Variants in TINAG observed in about 807,000 individuals in gnomAD.
The protein encoded by TINAG is tubulointerstitial nephritis antigen.
TINAG carries 83 observed loss-of-function variants against 72.7 expected under a neutral mutation model. The ratio of observed to expected loss-of-function variants is 1.14; its 90% confidence interval spans 0.96 to 1.37. The LOEUF (loss-of-function observed/expected upper bound fraction) is 1.37, where lower values mean the gene tolerates loss of function less well. Ranked by LOEUF, TINAG falls within the 40% of genes most tolerant of loss-of-function variation. The pLI is 0.00. For missense variants in TINAG, 685 were observed against 576.6 expected (o/e 1.19, Z -1.93); for synonymous variants, 234 against 189.9 (o/e 1.23, Z -1.91).
chr6:54,344,437 G>A (rs1432304431), intron 5 of TINAG, among the ~76,000 whole-genome samples: 1 of 152,082 alleles, frequency 6.6e-6, no homozygotes, highest in Non-Finnish European at 1.5e-5. Context: ...AGACCTTTCT[G>A]AGCTAAAATT....
At position 54,317,436 on chromosome 6, in the gene TINAG, TC is replaced by T. The variant is rs529382935; in HGVS notation, c.356-3142del. ...TGCTGTTCTTGTAGTAGTGAATGAG[TC>T]TCATAAGATCTGATGGTTTTATAAA... On this transcript the variant is annotated intron_variant, in intron 1 of 10. Coordinates refer to ENST00000259782, the MANE Select transcript of TINAG (RefSeq NM_014464.4). 3.9e-3 allele frequency among the ~76,000 whole-genome samples: 587 copies of T among 152,192 alleles called. 5 individuals are homozygous for T. Among genetic ancestry groups the T allele is most frequent in the Non-Finnish European group, 5.5e-3 (372 of 68,006 alleles).
chr6:54,326,809 G>A lies in TINAG; in HGVS notation c.517G>A (p.Ala173Thr), dbSNP rs538762426. 3.1e-6 allele frequency: 5 copies of A among 1,608,508 alleles called. No homozygotes were observed. The highest frequency in any genetic ancestry group is 2.2e-5 in the East Asian group (1 of 44,734). Residue 173 changes from alanine to threonine, a missense_variant, in exon 4 of 11, where the codon GCA becomes ACA. By Grantham distance (58) the Ala-to-Thr change is moderately conservative. Coordinates refer to ENST00000259782, the MANE Select transcript of TINAG (RefSeq NM_014464.4). ...CTCTCATTTGTAAGGCAGATGGACA[G>A]CACAGAATTACAGCCAATTTTGGGG... is the stretch of plus-strand genomic sequence containing the variant. ...QVNKGDYGWT[A>T]QNYSQFWGMT...
intron 4 of TINAG, among the ~76,000 whole-genome samples, chr6:54,329,058 T>A (rs1189152903): frequency 6.6e-6 from 1 of 151,952 alleles, no homozygotes; most frequent in East Asian, 1.9e-4. Context: ...CTTCAGGATA[T>A]TATCCAGGAA....
intron 1 of TINAG, 79 bp from the exon 2 acceptor site, chr6:54,320,500 G>T: frequency 8.4e-7 from 1 of 1,194,150 alleles, no homozygotes; most frequent in Non-Finnish European, 1.2e-6. Context: ...AGCTAACTAT[G>T]ATTTTTGATT....
intron 9 of TINAG, among the ~76,000 whole-genome samples, chr6:54,358,851 GT>G (rs1262014968): frequency 1.9e-4 from 29 of 151,832 alleles, no homozygotes; most frequent in African/African-American, 7.0e-4. Flanking sequence ...CCTCCAGTGG[GT>G]AGTACGGGAA....
chr6:54,320,728 T>C (rs1784472068), intron 2 of TINAG, 86 bp downstream of exon 2: 7 of 985,988 alleles, frequency 7.1e-6, no homozygotes, highest in Non-Finnish European at 1.1e-5. Flanking sequence ...AACCAAAGTA[T>C]ACATTTATGT....
intron 4 of TINAG, among the ~76,000 whole-genome samples, chr6:54,341,420 A>G (rs1285180838): frequency 6.6e-6 from 1 of 152,090 alleles, no homozygotes; most frequent in Non-Finnish European, 1.5e-5. Context: ...ACCATCCTTG[A>G]AGTTATCATG....
intron 5 of TINAG, among the ~76,000 whole-genome samples, chr6:54,347,059 G>A (rs557767523): frequency 6.6e-6 from 1 of 152,008 alleles, no homozygotes; most frequent in African/African-American, 2.4e-5. Context: ...CCCTCCAAGA[G>A]TTTCACCTGA....
intron 4 of TINAG, among the ~76,000 whole-genome samples, chr6:54,333,050 G>A (rs1398625019): frequency 6.6e-6 from 1 of 152,126 alleles, no homozygotes; most frequent in Non-Finnish European, 1.5e-5. Flanking sequence ...CATTGTGGGA[G>A]GCAGTGGGGC....
intron 10 of TINAG, among the ~76,000 whole-genome samples, chr6:54,383,848 A>C (rs1764019964): frequency 1.3e-5 from 2 of 152,152 alleles, no homozygotes. Flanking sequence ...CAATCTCATT[A>C]CTGGGTATAT....
Position 54,351,332 on chromosome 6 carries a change from A to G in TINAG, c.1081-20A>G. The stretch of plus-strand genomic sequence containing the variant: ...TGCTCTGATAACAATGATATTGCTT[A>G]TTCATATTTTTCCATCCAGGAAACT... On this transcript the variant is annotated intron_variant, in intron 7 of 10. Transcript: ENST00000259782. 1.2e-6 allele frequency: 2 copies of G among 1,600,520 alleles called. No individual in the cohort carries two copies. Among genetic ancestry groups the G allele is most frequent in the South Asian group, 1.1e-5 (1 of 90,690 alleles).
chr6:54,307,892 A>C, upstream of TINAG: 4 of 672,572 alleles, frequency 5.9e-6, no homozygotes, highest in Non-Finnish European at 1.0e-5. Context: ...ACTCAGGTGG[A>C]GAGAACTAAG....
At chr6:54,355,285 T>G (rs776340824) in intron 9 of TINAG, among the ~76,000 whole-genome samples, 1 of 151,924 alleles carries the variant, frequency 6.6e-6, no homozygotes, top group Non-Finnish European at 1.5e-5. Context: ...CTAGTTCAAA[T>G]GAAATGCTAC....
At chr6:54,363,260 T>C (rs1484755820) in intron 9 of TINAG, among the ~76,000 whole-genome samples, 1 of 151,570 alleles carries the variant, frequency 6.6e-6, no homozygotes, top group African/African-American at 2.4e-5. Flanking sequence ...AGGAAAGTAA[T>C]TGAAGTTTTT....
intron 9 of TINAG, among the ~76,000 whole-genome samples, chr6:54,380,189 T>G (rs534155303): frequency 9.9e-5 from 15 of 152,278 alleles, no homozygotes; most frequent in African/African-American, 3.4e-4. Flanking sequence ...GATGGGCATT[T>G]GGGTTAATTT....
At chr6:54,343,403 G>A in intron 5 of TINAG, 54 bp downstream of exon 5, 1 of 1,364,066 alleles carries the variant, frequency 7.3e-7, no homozygotes, top group Non-Finnish European at 9.6e-7. Flanking sequence ...TGGCTCTAGA[G>A]ACTGAGAGAA....
chr6:54,314,576 CCAG>C lies in TINAG; in HGVS notation c.355+5674_355+5676del, dbSNP rs202227708. 8.4e-3 allele frequency among the ~76,000 whole-genome samples: 1,274 copies of C among 152,158 alleles called. 16 individuals carry two copies. The highest frequency in any genetic ancestry group is 0.029 in the African/African-American group (1,219 of 41,504). ...GAGTAGAGAATGATATTGGGAATAA[CCAG>C]CAATCTCTGCCAAAAATTAAGAATG... is the stretch of plus-strand genomic sequence containing the variant. On this transcript the variant is annotated intron_variant, in intron 1 of 10. Coordinates refer to ENST00000259782, the MANE Select transcript of TINAG (RefSeq NM_014464.4).
At chr6:54,341,776 C>T (rs1175471004) in intron 4 of TINAG, among the ~76,000 whole-genome samples, 1 of 152,002 alleles carries the variant, frequency 6.6e-6, no homozygotes. Context: ...CATTTTACTT[C>T]TGCGGCAAAT....
chr6:54,362,206 CT>C (rs2150968256), intron 9 of TINAG, among the ~76,000 whole-genome samples: 1 of 151,796 alleles, frequency 6.6e-6, no homozygotes, highest in South Asian at 2.1e-4. Context: ...CCATCCAGGA[CT>C]TTTATAGCTA....
Sources: allele counts gnomAD v4.1 joint callset (sites outside exome capture counted in the v4.1 genomes callset), GRCh38; gene constraint gnomAD v4.1.1; transcripts MANE v1.5; gene names NCBI Gene and HGNC (gene_info 2026-07-23, HGNC 2026-07-21).